GAREM1: variants seen among roughly 807,000 people sequenced by gnomAD.
The protein encoded by GAREM1 is GRB2 associated regulator of MAPK1 subtype 1.
A neutral mutation model predicts 71.3 loss-of-function variants in GAREM1; 26 were observed. The ratio of observed to expected loss-of-function variants is 0.36; its 90% CI spans 0.27 to 0.51. The LOEUF (loss-of-function observed/expected upper bound fraction) is 0.51. GAREM1 is among the 20% of genes least tolerant of loss of function. The probability of loss-of-function intolerance (pLI) is 0.95; values close to 1 mark genes in which losing one functional copy is unlikely to be tolerated. For missense variants in GAREM1, 1,026 were observed against 1,103.1 expected (o/e 0.93, Z 0.99); for synonymous variants, 440 against 433.2 (o/e 1.02, Z -0.20).
intron 4 of GAREM1, among the ~76,000 whole-genome samples, chr18:32,272,881 G>A (rs969903634): frequency 1.1e-4 from 17 of 152,216 alleles, no homozygotes. Flanking sequence ...CCTTAGCCAG[G>A]CGGGTCTTCT....
At chr18:32,437,819 T>A (rs1028704597) in intron 1 of GAREM1, among the ~76,000 whole-genome samples, 2 of 152,228 alleles carry the variant, frequency 1.3e-5, no homozygotes, top group Non-Finnish European at 2.9e-5. Flanking sequence ...TAAAGAATGT[T>A]TCCTTTTTAA....
intron 1 of GAREM1, chr18:32,412,111 G>T: frequency 1.3e-6 from 1 of 790,186 alleles, no homozygotes; most frequent in South Asian, 1.4e-5. Context: ...TAGCAGCTAG[G>T]CCCTGCCACC....
chr18:32,361,536 ACT>A (rs952968098), intron 2 of GAREM1, among the ~76,000 whole-genome samples: 27 of 152,200 alleles, frequency 1.8e-4, no homozygotes, highest in African/African-American at 6.5e-4. Flanking sequence ...GCAGAGGCGA[ACT>A]CTCTTCAAGT....
At chr18:32,385,207 T>C (rs1241430295) in intron 2 of GAREM1, among the ~76,000 whole-genome samples, 2 of 151,962 alleles carry the variant, frequency 1.3e-5, no homozygotes, top group Admixed American at 1.3e-4. Flanking sequence ...AAAATTTTTA[T>C]ATTTACTTTG....
At chr18:32,280,699 A>C (rs879715096) in intron 4 of GAREM1, among the ~76,000 whole-genome samples, 1 of 152,222 alleles carries the variant, frequency 6.6e-6, no homozygotes, top group Non-Finnish European at 1.5e-5. Flanking sequence ...AGAAGTTTTA[A>C]AAGTCAGATT....
chr18:32,327,528 G>C (rs1011068165), intron 2 of GAREM1, among the ~76,000 whole-genome samples: 19 of 152,168 alleles, frequency 1.2e-4, no homozygotes, highest in African/African-American at 4.6e-4. Context: ...AAAGCAAATA[G>C]AGATTGCAAT....
chr18:32,300,659 C>A (rs1243544824), intron 3 of GAREM1, among the ~76,000 whole-genome samples: 3 of 152,156 alleles, frequency 2.0e-5, no homozygotes, highest in Non-Finnish European at 4.4e-5. Flanking sequence ...GTAATCCCAG[C>A]ACTTCGGGAG....
chr18:32,464,596 G>A (rs1383400752), intron 1 of GAREM1, among the ~76,000 whole-genome samples: 2 of 152,052 alleles, frequency 1.3e-5, no homozygotes, highest in South Asian at 2.1e-4. Context: ...AAGACCTTTC[G>A]CCACCTTTCT....
At chr18:32,295,219 G>A (rs573246035) in intron 3 of GAREM1, among the ~76,000 whole-genome samples, 1 of 151,942 alleles carries the variant, frequency 6.6e-6, no homozygotes, top group African/African-American at 2.4e-5. Context: ...AGTGAGCCAC[G>A]TGCCTGGCCC....
At chr18:32,403,287 A>G (rs1322301795) in intron 1 of GAREM1, among the ~76,000 whole-genome samples, 3 of 152,142 alleles carry the variant, frequency 2.0e-5, no homozygotes, top group Non-Finnish European at 2.9e-5. Context: ...TACTACTTAC[A>G]TGCCTTCAAC....
At chr18:32,441,012 A>G (rs1479879536) in intron 1 of GAREM1, among the ~76,000 whole-genome samples, 1 of 152,218 alleles carries the variant, frequency 6.6e-6, no homozygotes, top group East Asian at 1.9e-4. Context: ...TTTCTTTCTT[A>G]GCTGTATATT....
At chr18:32,393,332 A>G (rs1478543626) in intron 1 of GAREM1, among the ~76,000 whole-genome samples, 1 of 152,210 alleles carries the variant, frequency 6.6e-6, no homozygotes, top group East Asian at 1.9e-4. Flanking sequence ...TAAAACATTT[A>G]TTAAGTGCCT....
intron 2 of GAREM1, among the ~76,000 whole-genome samples, chr18:32,336,981 G>A (rs1000368375): frequency 5.9e-5 from 9 of 152,196 alleles, no homozygotes; most frequent in Non-Finnish European, 8.8e-5. Flanking sequence ...AATGGTGACT[G>A]CTAAAACTAT....
intron 1 of GAREM1, among the ~76,000 whole-genome samples, chr18:32,447,163 A>T (rs1239766793): frequency 6.6e-6 from 1 of 152,222 alleles, no homozygotes; most frequent in Non-Finnish European, 1.5e-5. Flanking sequence ...TACATTCAGT[A>T]GGAAGCTGTG....
intron 1 of GAREM1, among the ~76,000 whole-genome samples, chr18:32,463,986 T>C (rs1313089038): frequency 1.6e-5 from 2 of 126,348 alleles, no homozygotes. Flanking sequence ...GAGTACGTGG[T>C]TAAAAAAAAA....
At chr18:32,370,070 G>A (rs771236053) in intron 2 of GAREM1, among the ~76,000 whole-genome samples, 17 of 152,216 alleles carry the variant, frequency 1.1e-4, no homozygotes, top group Non-Finnish European at 2.4e-4. Context: ...CTGACTGGCA[G>A]GGTGCGGGCT....
intron 1 of GAREM1, among the ~76,000 whole-genome samples, chr18:32,469,756 TAC>T (rs1279851967): frequency 3.3e-5 from 5 of 152,178 alleles, no homozygotes; most frequent in African/African-American, 1.2e-4. Flanking sequence ...AAACATTTTC[TAC>T]ACACAGCCCC....
chr18:32,267,048 C>A lies in GAREM1; in HGVS notation c.*823G>T, dbSNP rs1165430542. On this transcript the variant is annotated 3_prime_UTR_variant, in exon 6 of 6. Coordinates refer to ENST00000269209, the MANE Select transcript of GAREM1 (RefSeq NM_001242409.2). ...AGAATCTTTGGAGTCATTCTGTCCA[C>A]TATTCCTAAGAGAATCAATGTAGAT... The A allele has an allele frequency of 6.6e-6, 1 of 152,210 alleles. No homozygotes were observed. Among genetic ancestry groups the A allele is most frequent in the African/African-American group, 2.4e-5 (1 of 41,458 alleles). The allele number at this position is 152,210 out of a possible 1,614,324, so 9.4% of individuals were successfully genotyped here.
chr18:32,325,443 T>C (rs1025258705), intron 2 of GAREM1, among the ~76,000 whole-genome samples: 57 of 152,166 alleles, frequency 3.7e-4, no homozygotes, highest in Non-Finnish European at 8.1e-4. Flanking sequence ...AGGATGTTAA[T>C]GGTGGAGGCT....
Sources: gnomAD v4.1 joint callset for allele counts (sites outside exome capture counted in the v4.1 genomes callset) on GRCh38, gnomAD v4.1.1 for gene constraint, MANE v1.5 for transcripts, NCBI Gene and HGNC (gene_info 2026-07-23, HGNC 2026-07-21) for gene names.